The following CNTN5 variants were observed in gnomAD, a reference collection of about 807,000 sequenced individuals.
The protein encoded by CNTN5 is contactin 5.
A neutral mutation model predicts 129.1 loss-of-function variants in CNTN5; 77 were observed. That is an observed-to-expected ratio of 0.60 (90% CI 0.50 to 0.72). The LOEUF is 0.72. Ranked by LOEUF, CNTN5 falls within the 30% of genes least tolerant of loss-of-function variation. The pLI is 0.00. For synonymous variants in CNTN5, 509 were observed against 465.6 expected (o/e 1.09, Z -1.20); for missense variants, 1,478 against 1,328.8 (o/e 1.11, Z -1.75).
intron 3 of CNTN5, among the ~76,000 whole-genome samples, chr11:99,799,676 G>GTT (rs1025165749): frequency 2.2e-4 from 34 of 152,190 alleles, no homozygotes; most frequent in African/African-American, 7.7e-4. Flanking sequence ...TTGCATATAT[G>GTT]TTTATCAGGG....
chr11:99,432,481 T>TTTTCTTTTCTTTTCC (rs1309699963), intron 2 of CNTN5, among the ~76,000 whole-genome samples: 19 of 138,766 alleles, frequency 1.4e-4, no homozygotes, highest in Middle Eastern at 3.8e-3. Flanking sequence ...TTTTCTTTTC[T>TTTTCTTTTCTTTTCC]TTTCTTTTCT....
chr11:99,612,751 A>G (rs764019735), intron 3 of CNTN5, among the ~76,000 whole-genome samples: 15 of 152,302 alleles, frequency 9.8e-5, no homozygotes, highest in Middle Eastern at 3.4e-3. Flanking sequence ...ATAACATTTC[A>G]TATGATTCCC....
intron 1 of CNTN5, among the ~76,000 whole-genome samples, chr11:99,145,499 C>T (rs10892814): frequency 0.15 from 22,972 of 151,778 alleles, 1,841 homozygotes; most frequent in Middle Eastern, 0.21. Context: ...TTTTTGAAGA[C>T]GATTTTTCTT....
At chr11:99,948,915 C>T (rs1216031152) in intron 7 of CNTN5, among the ~76,000 whole-genome samples, 1 of 152,176 alleles carries the variant, frequency 6.6e-6, no homozygotes, top group Non-Finnish European at 1.5e-5. Context: ...TGCATTCCAC[C>T]TGCCCCAGCC....
At chr11:99,760,947 G>A (rs563809952) in intron 3 of CNTN5, among the ~76,000 whole-genome samples, 7 of 152,150 alleles carry the variant, frequency 4.6e-5, no homozygotes, top group South Asian at 4.1e-4. Flanking sequence ...AGAAAAAAAC[G>A]TTTTCTAATG....
chr11:99,523,655 A>G (rs1239163979), intron 2 of CNTN5, among the ~76,000 whole-genome samples: 1 of 27,188 alleles, frequency 3.7e-5, no homozygotes, highest in Non-Finnish European at 8.1e-5. Flanking sequence ...AGAATAGAAC[A>G]GAACAGATCA....
At chr11:99,336,229 G>C (rs892065701) in intron 2 of CNTN5, among the ~76,000 whole-genome samples, 1 of 152,080 alleles carries the variant, frequency 6.6e-6, no homozygotes, top group Non-Finnish European at 1.5e-5. Context: ...AATTGGTTAA[G>C]AGAATGTTTC....
intron 13 of CNTN5, among the ~76,000 whole-genome samples, chr11:100,165,219 G>A (rs770338148): frequency 6.6e-6 from 1 of 151,802 alleles, no homozygotes; most frequent in African/African-American, 2.4e-5. Context: ...TATTAATCTT[G>A]TAAATAATAT....
At chr11:99,731,923 T>C (rs143110378) in intron 3 of CNTN5, among the ~76,000 whole-genome samples, 2 of 152,328 alleles carry the variant, frequency 1.3e-5, no homozygotes, top group East Asian at 3.9e-4. Flanking sequence ...AAGGGACATA[T>C]GCATGCTAGA....
chr11:99,936,579 A>G (rs536451252), intron 7 of CNTN5, among the ~76,000 whole-genome samples: 2 of 152,334 alleles, frequency 1.3e-5, no homozygotes, highest in Non-Finnish European at 2.9e-5. Flanking sequence ...TAAAAAGTCC[A>G]AACAATATCA....
At chr11:99,417,491 A>C (rs1299498913) in intron 2 of CNTN5, among the ~76,000 whole-genome samples, 1 of 152,170 alleles carries the variant, frequency 6.6e-6, no homozygotes, top group African/African-American at 2.4e-5. Flanking sequence ...AGAAATGCAC[A>C]AAAGATGTTT....
At chr11:99,728,962 C>A (rs908368978) in intron 3 of CNTN5, among the ~76,000 whole-genome samples, 1 of 152,136 alleles carries the variant, frequency 6.6e-6, no homozygotes, top group Non-Finnish European at 1.5e-5. Flanking sequence ...TCTTAATGAG[C>A]ATAGGTTCTT....
At chr11:99,454,608 G>C (rs1432842268) in intron 2 of CNTN5, among the ~76,000 whole-genome samples, 1 of 152,034 alleles carries the variant, frequency 6.6e-6, no homozygotes, top group Non-Finnish European at 1.5e-5. Context: ...ATGATTGTAA[G>C]TTTCCTGAGG....
At chr11:99,480,180 C>T (rs1307803802) in intron 2 of CNTN5, among the ~76,000 whole-genome samples, 1 of 152,184 alleles carries the variant, frequency 6.6e-6, no homozygotes, top group Non-Finnish European at 1.5e-5. Flanking sequence ...GGAAGTACAC[C>T]TATTAATATA....
chr11:99,637,478 C>T (rs1282734921), intron 3 of CNTN5, among the ~76,000 whole-genome samples: 1 of 152,118 alleles, frequency 6.6e-6, no homozygotes, highest in Non-Finnish European at 1.5e-5. Flanking sequence ...GAACTCACAT[C>T]CAGCTCATCT....
chr11:99,611,493 AAG>A (rs1404505594), intron 3 of CNTN5, among the ~76,000 whole-genome samples: 1 of 152,194 alleles, frequency 6.6e-6, no homozygotes, highest in African/African-American at 2.4e-5. Flanking sequence ...AATGTAAAAT[AAG>A]AGTCAGTTCA....
At chr11:99,066,198 G>A (rs1865096118) in intron 1 of CNTN5, among the ~76,000 whole-genome samples, 1 of 152,086 alleles carries the variant, frequency 6.6e-6, no homozygotes, top group South Asian at 2.1e-4. Flanking sequence ...TCGCCTCCTG[G>A]GTTCATGCGA....
chr11:99,915,318 G>T (rs765308819), intron 6 of CNTN5, among the ~76,000 whole-genome samples: 8 of 151,978 alleles, frequency 5.3e-5, no homozygotes, highest in Admixed American at 1.3e-4. Flanking sequence ...TTCCCTTTTG[G>T]ACCATTTTCT....
chr11:99,841,790 T>G (rs1947502330), intron 4 of CNTN5, among the ~76,000 whole-genome samples: 1 of 450 alleles, frequency 2.2e-3, no homozygotes, highest in African/African-American at 0.018. Context: ...TTTATATATA[T>G]ATATATATAT....
Sources: allele counts gnomAD v4.1 joint callset (sites outside exome capture counted in the v4.1 genomes callset), GRCh38; gene constraint gnomAD v4.1.1; transcripts MANE v1.5; gene names NCBI Gene and HGNC (gene_info 2026-07-23, HGNC 2026-07-21).